Variants in EPS8L1 observed in about 807,000 individuals in gnomAD.
EPS8L1 encodes epidermal growth factor receptor kinase substrate 8-like protein 1.
EPS8L1 carries 101 observed loss-of-function variants against 91.7 expected under a neutral mutation model. The observed-to-expected ratio is 1.10, with a 90% CI of 0.94 to 1.30. The LOEUF is 1.30. Ranked by LOEUF, EPS8L1 falls within the 50% of genes most tolerant of loss-of-function variation. The pLI, the probability that EPS8L1 is intolerant of heterozygous loss-of-function variation, is 0.00. For synonymous variants in EPS8L1, 506 were observed against 445.3 expected, an observed-to-expected ratio of 1.14 and a Z score of -1.72; for missense variants, 1,114 against 1,017.0, an observed-to-expected ratio of 1.10 and a Z score of -1.30.
In EPS8L1 at chr19:55,083,458, A is replaced by T; in HGVS notation, c.1295A>T (p.Gln432Leu). The T allele has an allele frequency of 6.2e-7, 1 of 1,612,664 alleles. No individual in the cohort carries two copies. The change falls in exon 13 of 20, where the codon CAG becomes CTG. Residue 432 changes from glutamine to leucine, a missense_variant. Physicochemically the swap from Gln to Leu is moderately radical, Grantham distance 113 (BLOSUM62 -2). Transcript: ENST00000201647. The surrounding 1 kb of genome is among the most constrained non-coding windows in gnomAD (Gnocchi z 4.7). ...TGGGAGCCGCCGGTCACTGACCCGCAGAGCCGCGCCTGGGAGGACCCAGTT... is the reference window on the plus strand; with the variant it reads ...TGGGAGCCGCCGGTCACTGACCCGCTGAGCCGCGCCTGGGAGGACCCAGTT... Reference protein sequence around the residue: ...SGWEPPVTDPQSRAWEDPVEK... With the variant: ...SGWEPPVTDPLSRAWEDPVEK...
At position 55,085,489 on chromosome 19, in the gene EPS8L1, T is replaced by C. The variant is rs534330135; in HGVS notation, c.1386-352T>C. 5.3e-5 allele frequency among the ~76,000 whole-genome samples: 8 copies of C among 152,294 alleles called. No individual in the cohort carries two copies. In the South Asian group the frequency reaches 1.7e-3, roughly 32 times the overall value. On this transcript the variant is annotated intron_variant, in intron 14 of 19. Transcript: ENST00000201647. ...CTAGCTAGTGTTTTTATTATGCTTA[T>C]GAGTTATGATATATAAAGCCCAGTG...
Position 55,081,532 on chromosome 19 carries a change from G to A in EPS8L1, c.774+40G>A. The A allele has an allele frequency of 6.6e-7, 1 of 1,518,022 alleles. No homozygotes were observed. Among genetic ancestry groups the A allele is most frequent in the South Asian group, 1.3e-5 (1 of 76,664 alleles). The allele number at this position is 1,518,022 out of a possible 1,614,324, so 94.0% of individuals were successfully genotyped here. On this transcript the variant is annotated intron_variant, in intron 8 of 19. Transcript: ENST00000201647. This position sits in a 1 kb window ranked among gnomAD's most constrained non-coding sequence, Gnocchi z 4.9. ...AAGGGGTCTGGGGGCAGGGCCAGGCGACTGGAGGCGGGGCTAGGGCGTGGA... is the reference window on the plus strand; with the variant it reads ...AAGGGGTCTGGGGGCAGGGCCAGGCAACTGGAGGCGGGGCTAGGGCGTGGA...
At chr19:55,077,931 T>TTAATAA (rs1568774029) in intron 2 of EPS8L1, among the ~76,000 whole-genome samples, 157 bp from the exon 3 acceptor site, 2 of 138,694 alleles carry the variant, frequency 1.4e-5, no homozygotes, top group East Asian at 2.1e-4. Context: ...GCTCTCCTGC[T>TTAATAA]CAATAATAAT....
intron 2 of EPS8L1, 150 bp downstream of exon 2, chr19:55,076,611 C>G (rs1040780635): frequency 4.1e-6 from 4 of 970,368 alleles, no homozygotes; most frequent in Non-Finnish European, 3.0e-6. Context: ...GCCAGAGCCT[C>G]TCTCCTCCCT....
chr19:55,080,306 G>A, intron 6 of EPS8L1, 28 bp downstream of exon 6: 1 of 1,537,458 alleles, frequency 6.5e-7, no homozygotes. Context: ...CTCTGGGGGT[G>A]GAGCTGGAAC....
chr19:55,086,479 A>AGGCCCC lies in EPS8L1; in HGVS notation c.1739_1740insGCCCCG (p.Ser580delinsArgProArg). On this transcript the variant is annotated protein_altering_variant, in exon 17 of 20. Transcript: ENST00000201647. The stretch of plus-strand genomic sequence containing the variant: ...CCGCTGGGACAGGCCCCGCTGGGAC[A>AGGCCCC]GCTGCGATAGCCTCAACGGCTTGGA... 6.4e-7 allele frequency: 1 copy of AGGCCCC among 1,551,756 alleles called. No individual in the cohort carries two copies. Among genetic ancestry groups the AGGCCCC allele is most frequent in the Non-Finnish European group, 8.7e-7 (1 of 1,147,052 alleles).
rs957268169 is a variant in EPS8L1, at chr19:55,079,013, T to C, written c.73T>C (p.Tyr25His). ...AKSIYEQRKR[Y>H]STVVMADVSQ... Reference sequence around the variant, plus strand: ...TCCCCTGGCAGAGCAGAGGAAGCGTTACTCCACAGTTGTTATGGCTGATGT... The same window carrying C: ...TCCCCTGGCAGAGCAGAGGAAGCGTCACTCCACAGTTGTTATGGCTGATGT... The change falls in exon 4 of 20, where the codon TAC becomes CAC. Residue 25 changes from tyrosine to histidine, a missense_variant. Coordinates refer to ENST00000201647, the MANE Select transcript of EPS8L1 (RefSeq NM_133180.3). 8.7e-6 allele frequency: 14 copies of C among 1,613,848 alleles called. No homozygotes were observed. Among genetic ancestry groups the C allele is most frequent in the Non-Finnish European group, 1.2e-5 (14 of 1,179,950 alleles).
intron 1 of EPS8L1, among the ~76,000 whole-genome samples, chr19:55,076,186 CTGGGT>C (rs2076128055): frequency 1.1e-5 from 1 of 89,250 alleles, no homozygotes; most frequent in Non-Finnish European, 2.4e-5. Context: ...GTCTGGACTC[CTGGGT>C]CTGAGGGAGG....
In EPS8L1 at chr19:55,081,051, C is replaced by A. The variant is rs937552568; in HGVS notation, c.513-180C>A. 2.1e-6 allele frequency: 2 copies of A among 932,390 alleles called. No homozygotes were observed. The highest frequency in any genetic ancestry group is 3.3e-5 in the African/African-American group (2 of 60,046). The allele number at this position is 932,390 out of a possible 1,614,324, so 57.8% of individuals were successfully genotyped here. ...TTCTTTTCTCTGTTCCCTGTCCAGG[C>A]CCTCAGTTTCACTCTAGAGAGGTGC... On this transcript the variant is annotated intron_variant, in intron 7 of 19. Coordinates refer to ENST00000201647, the MANE Select transcript of EPS8L1 (RefSeq NM_133180.3). This position sits in a 1 kb window ranked among gnomAD's most constrained non-coding sequence, Gnocchi z 4.9.
At chr19:55,087,090 G>A in intron 18 of EPS8L1, 1 of 1,055,536 alleles carries the variant, frequency 9.5e-7, no homozygotes, top group South Asian at 1.7e-5. Flanking sequence ...GGATTCCTTA[G>A]GGAAATCCCG....
At chr19:55,084,839 G>A (rs1196345100) in intron 14 of EPS8L1, among the ~76,000 whole-genome samples, 1 of 152,220 alleles carries the variant, frequency 6.6e-6, no homozygotes, top group African/African-American at 2.4e-5. Context: ...AGTCTGTGGT[G>A]TTGTAGGAAC....
chr19:55,077,581 TGTC>T (rs1372180417), intron 2 of EPS8L1, among the ~76,000 whole-genome samples: 21 of 133,262 alleles, frequency 1.6e-4, no homozygotes, highest in Admixed American at 5.2e-4. Flanking sequence ...TGACCTGACC[TGTC>T]TTTTTTTTTT....
intron 14 of EPS8L1, chr19:55,084,039 G>A (rs2076330152): frequency 2.8e-5 from 12 of 430,680 alleles, no homozygotes; most frequent in South Asian, 1.5e-4. Context: ...ATATTGGAGG[G>A]GAGAGGCTGG....
rs764872834 is a variant in EPS8L1, at chr19:55,083,540, GGGCCGA to G, written c.1356+25_1356+30del. On this transcript the variant is annotated intron_variant, in intron 13 of 19. Coordinates refer to ENST00000201647, the MANE Select transcript of EPS8L1 (RefSeq NM_133180.3). The surrounding 1 kb of genome is among the most constrained non-coding windows in gnomAD (Gnocchi z 4.7). The stretch of plus-strand genomic sequence containing the variant: ...GGCAGGTGACCCAAGCGACACAGCA[GGGCCGA>G]GGCTGGGAAGTCCGGGGGCGCGGCC... The G allele has an allele frequency of 1.9e-5, 30 of 1,605,898 alleles. No individual in the cohort carries two copies. Among genetic ancestry groups the G allele is most frequent in the Non-Finnish European group, 2.5e-5 (29 of 1,176,512 alleles).
chr19:55,076,135 T>TTG (rs1568770018), intron 1 of EPS8L1, among the ~76,000 whole-genome samples: 2,518 of 23,368 alleles, frequency 0.11, 79 homozygotes, highest in Non-Finnish European at 0.12. Flanking sequence ...GAGGAGGAGA[T>TTG]GGGGCCTGGA....
chr19:55,086,628 C>G (rs959344849), intron 17 of EPS8L1, 86 bp from the exon 18 acceptor site: 16 of 1,501,310 alleles, frequency 1.1e-5, no homozygotes, highest in Non-Finnish European at 1.4e-5. Context: ...TCTGGGGACG[C>G]TGGAGCGCCC....
rs768810712 is a variant in EPS8L1 at position 55,081,238 on chromosome 19, CAGG to C, written c.526_528del (p.Glu176del). 6.3e-5 allele frequency: 96 copies of C among 1,518,162 alleles called. No homozygotes were observed. The South Asian group carries it at 8.1e-4, about 13-fold the overall frequency. 94.0% of individuals were successfully genotyped at this position (1,518,162 alleles called of 1,614,324 possible). ...CCCCGTCGCCCTCCGCAGGGCCACG[CAGG>C]AGGAGTTGCAGCGCGACCGCTCGCC... On this transcript the variant is annotated inframe_deletion, in exon 8 of 20. Coordinates refer to ENST00000201647, the MANE Select transcript of EPS8L1 (RefSeq NM_133180.3). This position sits in a 1 kb window ranked among gnomAD's most constrained non-coding sequence, Gnocchi z 4.9.
intron 18 of EPS8L1, 106 bp from the exon 19 acceptor site, chr19:55,087,197 C>A: frequency 6.9e-7 from 1 of 1,457,694 alleles, no homozygotes; most frequent in Non-Finnish European, 9.1e-7. Flanking sequence ...CCCGCTAGAG[C>A]TAGAATGCTG....
intron 3 of EPS8L1, among the ~76,000 whole-genome samples, chr19:55,078,789 G>A (rs1237871930): frequency 1.0e-4 from 5 of 48,932 alleles, no homozygotes; most frequent in African/African-American, 4.4e-4. Flanking sequence ...CTGGACTCCT[G>A]GGTCAGAGGG....
Sources: gnomAD v4.1 joint callset for allele counts (sites outside exome capture counted in the v4.1 genomes callset) on GRCh38, gnomAD v4.1.1 for gene constraint, Gnocchi (gnomAD v3.1) non-coding constraint, MANE v1.5 for transcripts, NCBI Gene and HGNC (gene_info 2026-07-23, HGNC 2026-07-21) for gene names.